Variants in LRRC4B observed in about 807,000 individuals in gnomAD.
LRRC4B encodes the protein leucine-rich repeat-containing protein 4B.
A neutral mutation model predicts 7.3 loss-of-function variants in LRRC4B; 1 was observed. The ratio of observed to expected loss-of-function variants is 0.14; its 90% confidence interval spans 0.05 to 0.65. LRRC4B has a LOEUF of 0.65. LRRC4B is among the 30% of genes least tolerant of loss of function. The pLI is 0.84. For missense variants in LRRC4B, 730 were observed against 1,041.6 expected (o/e 0.70, Z 4.12); for synonymous variants, 500 against 499.2 (o/e 1.00, Z -0.02).
At chr19:50,530,738 TTTG>T (rs1359763562) in intron 2 of LRRC4B, among the ~76,000 whole-genome samples, 2 of 151,768 alleles carry the variant, frequency 1.3e-5, no homozygotes, top group Admixed American at 6.6e-5. Flanking sequence ...AGGCTCCTTT[TTTG>T]TTTTTTTTTT....
chr19:50,519,430 A>G lies in LRRC4B; in HGVS notation c.298-15T>C. On this transcript the variant is annotated splice_polypyrimidine_tract_variant and intron_variant, in intron 2 of 2. Transcript: ENST00000652263. This position sits in a 1 kb window ranked among gnomAD's most constrained non-coding sequence, Gnocchi z 8.1. ...GTCCGGATCACCTGGGGAGAGGGAG[A>G]CACGGATCAGTCACGGAGATACTGA... is the stretch of plus-strand genomic sequence containing the variant. 1 of 1,566,006 alleles carries G rather than the reference A, an allele frequency of 6.4e-7. No individual in the cohort carries two copies. Among genetic ancestry groups the G allele is most frequent in the Non-Finnish European group, 8.6e-7 (1 of 1,160,076 alleles).
chr19:50,566,146 C>CG (rs1367089278), intron 1 of LRRC4B, among the ~76,000 whole-genome samples: 2 of 138,454 alleles, frequency 1.4e-5, no homozygotes, highest in Non-Finnish European at 3.0e-5. Context: ...GCGAAGGCTG[C>CG]GGAAGATGCT....
At position 50,537,223 on chromosome 19, in the gene LRRC4B, G is replaced by A. The variant is rs1256399258; in HGVS notation, c.297+11319C>T. Among the ~76,000 whole-genome samples, 7 of 152,304 alleles carry A rather than the reference G, an allele frequency of 4.6e-5. No individual in the cohort carries two copies. In the South Asian group the frequency reaches 8.3e-4, roughly 18 times the overall value. ...CCTGCCTGGGCCGAGTCCCAGCTCC[G>A]TTACTAACCATGGGACCAGGACCGT... On this transcript the variant is annotated intron_variant, in intron 2 of 2. Transcript: ENST00000652263. The surrounding 1 kb of genome is among the most constrained non-coding windows in gnomAD (Gnocchi z 5.5).
intron 1 of LRRC4B, among the ~76,000 whole-genome samples, chr19:50,554,423 C>G (rs901690738): frequency 6.6e-6 from 1 of 152,148 alleles, no homozygotes; most frequent in Non-Finnish European, 1.5e-5. Context: ...AGGTTCCAAA[C>G]AGGAGGTCCC....
At chr19:50,532,403 C>T (rs557391987) in intron 2 of LRRC4B, among the ~76,000 whole-genome samples, 9 of 152,326 alleles carry the variant, frequency 5.9e-5, no homozygotes, top group South Asian at 4.1e-4. Context: ...CTATCACCCT[C>T]GACAAAGTGT....
At position 50,560,102 on chromosome 19, in the gene LRRC4B, TCCAG is replaced by T. The variant is rs540265818; in HGVS notation, c.-36+7838_-36+7841del. The stretch of plus-strand genomic sequence containing the variant: ...GTGAGCCGAGATCGCACCACTGTAC[TCCAG>T]CCTCGGTGACAGAGTGAGATTCTGT... On this transcript the variant is annotated intron_variant, in intron 1 of 2. Transcript: ENST00000652263. Among the ~76,000 whole-genome samples, 10 of 152,300 alleles carry T rather than the reference TCCAG, an allele frequency of 6.6e-5. No individual in the cohort carries two copies. In the South Asian group the frequency reaches 2.1e-3, roughly 32 times the overall value.
At chr19:50,524,329 T>C (rs1230600582) in intron 2 of LRRC4B, among the ~76,000 whole-genome samples, 2 of 152,224 alleles carry the variant, frequency 1.3e-5, no homozygotes, top group Non-Finnish European at 2.9e-5. Context: ...CACTGCAGCC[T>C]TGACCGTCTG....
intron 1 of LRRC4B, among the ~76,000 whole-genome samples, chr19:50,559,356 C>T (rs1422241016): frequency 6.6e-6 from 1 of 152,150 alleles, no homozygotes; most frequent in African/African-American, 2.4e-5. Flanking sequence ...ATTACTTGAA[C>T]CGAGGAGGCA....
At chr19:50,562,263 A>G (rs1982492541) in intron 1 of LRRC4B, among the ~76,000 whole-genome samples, 1 of 152,086 alleles carries the variant, frequency 6.6e-6, no homozygotes, top group Non-Finnish European at 1.5e-5. Flanking sequence ...CAGGGTTTGG[A>G]GTCCCGGCTC....
rs1980359799 is a variant in LRRC4B, at chr19:50,517,880, G to A, written c.1833C>T (p.Pro611=). The A allele has an allele frequency of 6.3e-7, 1 of 1,596,108 alleles. No homozygotes were observed. Among genetic ancestry groups the A allele is most frequent in the Non-Finnish European group, 8.5e-7 (1 of 1,174,224 alleles). Residue 611 remains proline (P), a synonymous_variant, in exon 3 of 3, where the codon CCC becomes CCT. Transcript: ENST00000652263. This position sits in a 1 kb window ranked among gnomAD's most constrained non-coding sequence, Gnocchi z 6.6. ...KQHQLHKHHG[P]TRTVEIINVE... The stretch of plus-strand genomic sequence containing the variant: ...CGTTGATGATCTCCACGGTGCGCGT[G>A]GGCCCGTGGTGCTTGTGGAGCTGGT...
Position 50,517,911 on chromosome 19 carries a change from T to C in LRRC4B, c.1802A>G (p.Lys601Arg), listed in dbSNP as rs955868054. 6.3e-7 allele frequency: 1 copy of C among 1,580,956 alleles called. No homozygotes were observed. The highest frequency in any genetic ancestry group is 8.6e-7 in the Non-Finnish European group (1 of 1,168,726). Reference protein sequence around the residue: ...VMLVAFYKLRKQHQLHKHHGP... With the variant: ...VMLVAFYKLRRQHQLHKHHGP... Reference sequence around the variant, plus strand: ...GTGGTGCTTGTGGAGCTGGTGCTGCTTGCGCAGCTTGTAGAAGGCCACGAG... The same window carrying C: ...GTGGTGCTTGTGGAGCTGGTGCTGCCTGCGCAGCTTGTAGAAGGCCACGAG... Residue 601 changes from lysine to arginine, a missense_variant, in exon 3 of 3, where the codon AAG (lysine) becomes AGG (arginine). Around this residue, in one of 6 missense-constraint regions of LRRC4B, gnomAD observed 160 missense variants for 163.9 expected, o/e 0.98. Transcript: ENST00000652263. This position sits in a 1 kb window ranked among gnomAD's most constrained non-coding sequence, Gnocchi z 6.6.
intron 2 of LRRC4B, among the ~76,000 whole-genome samples, chr19:50,524,804 C>T (rs999415259): frequency 2.0e-5 from 3 of 152,198 alleles, no homozygotes; most frequent in Admixed American, 6.5e-5. Flanking sequence ...TCAGTAGCAA[C>T]GCATGCAGTC....
chr19:50,546,293 C>T (rs1981801468), intron 2 of LRRC4B, among the ~76,000 whole-genome samples: 1 of 152,000 alleles, frequency 6.6e-6, no homozygotes, highest in Admixed American at 6.5e-5. Flanking sequence ...CAACGTTGCG[C>T]CACTGCACTC....
At chr19:50,528,152 C>T (rs1012072048) in intron 2 of LRRC4B, among the ~76,000 whole-genome samples, 59 of 152,096 alleles carry the variant, frequency 3.9e-4, no homozygotes, top group African/African-American at 1.4e-3. Flanking sequence ...CAGTGATTCT[C>T]CCACCTCAGC....
At chr19:50,558,939 C>T (rs930126288) in intron 1 of LRRC4B, among the ~76,000 whole-genome samples, 7 of 152,224 alleles carry the variant, frequency 4.6e-5, no homozygotes, top group African/African-American at 1.7e-4. Context: ...ACCAGCGCTG[C>T]CTTGGTTGCC....
rs1982719536 is a variant in LRRC4B at position 50,568,367 on chromosome 19, GC to G, written c.-460del. 2.4e-5 allele frequency among the ~76,000 whole-genome samples: 2 copies of G among 83,890 alleles called. No homozygotes were observed. Among genetic ancestry groups the G allele is most frequent in the Admixed American group, 1.2e-4 (1 of 8,514 alleles). 55.0% of individuals were successfully genotyped at this position (83,890 alleles called of 152,430 possible). ...CCCCCAGGCCCCGGCCCCGGCCCCGGCCCCCGCCTCGGACGGTGCGGCAGCG... is the reference window on the plus strand; with the variant it reads ...CCCCCAGGCCCCGGCCCCGGCCCCGGCCCCGCCTCGGACGGTGCGGCAGCG... On this transcript the variant is annotated 5_prime_UTR_variant, in exon 1 of 3. Coordinates refer to ENST00000652263, the MANE Select transcript of LRRC4B (RefSeq NM_001080457.2).
At chr19:50,520,133 A>C (rs1453411601) in intron 2 of LRRC4B, among the ~76,000 whole-genome samples, 1 of 128,900 alleles carries the variant, frequency 7.8e-6, no homozygotes, top group Non-Finnish European at 1.6e-5. Flanking sequence ...GTGAGCCTGG[A>C]AAGTGAAGGC....
chr19:50,532,150 C>T (rs1488614804), intron 2 of LRRC4B, among the ~76,000 whole-genome samples: 5 of 152,128 alleles, frequency 3.3e-5, no homozygotes, highest in East Asian at 1.9e-4. Flanking sequence ...GCAGGAGAAT[C>T]GCTTGAACCC....
intron 2 of LRRC4B, among the ~76,000 whole-genome samples, chr19:50,525,257 G>A (rs985742408): frequency 2.0e-5 from 3 of 152,170 alleles, no homozygotes; most frequent in African/African-American, 7.2e-5. Flanking sequence ...TGAGGGAGAG[G>A]AGATGAGGTC....
Sources: allele counts gnomAD v4.1 joint callset (sites outside exome capture counted in the v4.1 genomes callset), GRCh38; gene constraint gnomAD v4.1.1; regional missense constraint gnomAD v4.1.1; non-coding constraint Gnocchi (gnomAD v3.1); transcripts MANE v1.5; gene names NCBI Gene and HGNC (gene_info 2026-07-23, HGNC 2026-07-21).